GSK3B: variants seen among roughly 807,000 people sequenced by gnomAD.
GSK3B encodes the protein glycogen synthase kinase-3 beta.
Under a neutral mutation model 56.4 loss-of-function variants are expected in GSK3B, and 15 were observed. The observed-to-expected ratio is 0.27, with a 90% CI of 0.18 to 0.41. The LOEUF is 0.41. GSK3B is among the 10% of genes least tolerant of loss of function. GSK3B has a pLI of 1.00. For missense variants in GSK3B, 300 were observed against 513.4 expected (o/e 0.58, Z 4.02); for synonymous variants, 181 against 188.9 (o/e 0.96, Z 0.34).
intron 1 of GSK3B, among the ~76,000 whole-genome samples, chr3:120,070,189 G>C (rs938932026): frequency 3.3e-5 from 5 of 150,160 alleles, no homozygotes; most frequent in African/African-American, 1.2e-4. Flanking sequence ...CTCCAGCCTG[G>C]CAACAGAGCA....
rs886609828 is a variant in GSK3B at position 120,079,352 on chromosome 3, T to A, written c.88+13995A>T. Among the ~76,000 whole-genome samples the A allele has an allele frequency of 5.0e-5, 6 of 120,756 alleles. No homozygotes were observed. In the South Asian group the frequency reaches 9.1e-4, roughly 18 times the overall value. The allele number at this position is 120,756 out of a possible 152,430, so 79.2% of individuals were successfully genotyped here. A position where few individuals can be genotyped will look rare whatever the true frequency, so the allele number is the denominator to read the frequency against. ...CACACACACACACACACACACACAT[T>A]TTTTTTTTTAATAAGTAGACTACTG... On this transcript the variant is annotated intron_variant, in intron 1 of 10. Coordinates refer to ENST00000264235, the MANE Select transcript of GSK3B (RefSeq NM_001146156.2).
At position 119,863,517 on chromosome 3, in the gene GSK3B, T is replaced by C. The variant is rs2056136994; in HGVS notation, c.998A>G (p.Glu333Gly). 1 of 1,613,510 alleles carries C rather than the reference T, an allele frequency of 6.2e-7. No homozygotes were observed. Among genetic ancestry groups the C allele is most frequent in the Non-Finnish European group, 8.5e-7 (1 of 1,179,514 alleles). The part of the protein sequence containing the change: ...YTPTARLTPL[E>G]ACAHSFFDEL... ...ATCAAAAAATGAATGTGCACAAGCT[T>C]CCAGTGGTGTTAGTCGGGCAGTTGG... Residue 333 changes from glutamate to glycine, a missense_variant, in exon 9 of 11, where the codon GAA (glutamate) becomes GGA (glycine). Transcript: ENST00000264235.
chr3:119,864,778 T>C (rs1254506758), intron 8 of GSK3B, among the ~76,000 whole-genome samples: 1 of 152,252 alleles, frequency 6.6e-6, no homozygotes, highest in Non-Finnish European at 1.5e-5. Flanking sequence ...CCAGAGATTA[T>C]TTATGAGTGC....
chr3:119,863,362 C>T, intron 9 of GSK3B, 57 bp downstream of exon 9: 1 of 1,341,382 alleles, frequency 7.5e-7, no homozygotes, highest in Non-Finnish European at 1.1e-6. Context: ...AATGTCATTT[C>T]ACACCCAGGG....
At chr3:119,966,124 C>G (rs577010238) in intron 2 of GSK3B, among the ~76,000 whole-genome samples, 34 of 152,350 alleles carry the variant, frequency 2.2e-4, no homozygotes, top group Middle Eastern at 3.4e-3. Flanking sequence ...GTAACCTACA[C>G]AACATCCAAT....
intron 1 of GSK3B, among the ~76,000 whole-genome samples, chr3:120,067,252 A>G (rs2058288502): frequency 6.8e-6 from 1 of 146,452 alleles, no homozygotes. Flanking sequence ...AAAAAAAAAA[A>G]GAGAGGTAAC....
chr3:119,830,716 T>G (rs899574338), intron 10 of GSK3B, among the ~76,000 whole-genome samples: 1 of 152,210 alleles, frequency 6.6e-6, no homozygotes, highest in Non-Finnish European at 1.5e-5. Context: ...TTCTTAAAAC[T>G]AAACCAACTC....
intron 5 of GSK3B, among the ~76,000 whole-genome samples, chr3:119,914,100 A>G (rs1055995285): frequency 6.6e-6 from 1 of 152,062 alleles, no homozygotes; most frequent in African/African-American, 2.4e-5. Flanking sequence ...CCTCTCTTAC[A>G]GAGGAGACTG....
intron 8 of GSK3B, among the ~76,000 whole-genome samples, chr3:119,865,637 T>C (rs2056172775): frequency 6.7e-6 from 1 of 149,884 alleles, no homozygotes; most frequent in Admixed American, 6.7e-5. Context: ...ACCCAGCTAA[T>C]TTTTTGTATT....
intron 1 of GSK3B, among the ~76,000 whole-genome samples, chr3:120,067,892 G>A (rs760917995): frequency 1.3e-5 from 2 of 152,034 alleles, no homozygotes; most frequent in Non-Finnish European, 2.9e-5. Context: ...TGAATCTTTA[G>A]TAAAAAAACA....
At chr3:119,937,613 G>A (rs1025456542) in intron 3 of GSK3B, among the ~76,000 whole-genome samples, 8 of 151,966 alleles carry the variant, frequency 5.3e-5, no homozygotes, top group African/African-American at 1.9e-4. Flanking sequence ...AAGACTTACG[G>A]GATGCAGCAA....
At chr3:119,852,402 G>A (rs2055943081) in intron 9 of GSK3B, among the ~76,000 whole-genome samples, 1 of 151,640 alleles carries the variant, frequency 6.6e-6, no homozygotes, top group South Asian at 2.1e-4. Flanking sequence ...AGGCTGGAGT[G>A]CAGTGGTGTG....
At chr3:119,892,174 C>T (rs2056510197) in intron 7 of GSK3B, among the ~76,000 whole-genome samples, 2 of 152,020 alleles carry the variant, frequency 1.3e-5, no homozygotes, top group East Asian at 1.9e-4. Flanking sequence ...CCTTTAAGAG[C>T]GAAGTAAAAG....
intron 1 of GSK3B, chr3:120,029,547 C>T (rs2057957890): frequency 1.6e-6 from 1 of 612,930 alleles, no homozygotes. Context: ...GGGACCATCA[C>T]TTGGTGCATC....
chr3:119,860,016 AC>A (rs1404488654), intron 9 of GSK3B, among the ~76,000 whole-genome samples: 2 of 152,108 alleles, frequency 1.3e-5, no homozygotes, highest in African/African-American at 2.4e-5. Flanking sequence ...TATCTTTACC[AC>A]CCCCATCCTA....
chr3:120,068,412 T>G (rs886962438), intron 1 of GSK3B, among the ~76,000 whole-genome samples: 1 of 107,708 alleles, frequency 9.3e-6, no homozygotes, highest in Non-Finnish European at 1.9e-5. Context: ...AAAAAAAAAA[T>G]TTGGGACGCC....
chr3:119,897,793 CAA>C (rs11464173), intron 7 of GSK3B, among the ~76,000 whole-genome samples: 11 of 73,128 alleles, frequency 1.5e-4, no homozygotes, highest in Non-Finnish European at 2.5e-4. Context: ...GACTCTGTCT[CAA>C]AAAAAAAAAA....
chr3:119,848,176 C>T (rs1228330004), intron 9 of GSK3B, among the ~76,000 whole-genome samples: 1 of 152,178 alleles, frequency 6.6e-6, no homozygotes, highest in African/African-American at 2.4e-5. Flanking sequence ...AGCTTGTACA[C>T]AAAAGCATTT....
At chr3:120,052,501 C>T (rs2058158946) in intron 1 of GSK3B, among the ~76,000 whole-genome samples, 1 of 152,162 alleles carries the variant, frequency 6.6e-6, no homozygotes, top group Non-Finnish European at 1.5e-5. Context: ...ACCCCCAACG[C>T]ACCCCAAGTA....
Sources: gnomAD v4.1 joint callset for allele counts (sites outside exome capture counted in the v4.1 genomes callset) on GRCh38, gnomAD v4.1.1 for gene constraint, MANE v1.5 for transcripts, NCBI Gene and HGNC (gene_info 2026-07-23, HGNC 2026-07-21) for gene names.